The following DRC11 variants were observed in gnomAD, a reference collection of about 807,000 sequenced individuals.
DRC11 encodes IQ and AAA domain-containing protein 1.
At chr2:236,359,441 C>T in the DRC11 span, among the ~76,000 whole-genome samples, 1 of 152,118 alleles carries the variant, frequency 6.6e-6, no homozygotes, top group Non-Finnish European at 1.5e-5. The surrounding 1 kb of genome is among the most constrained non-coding windows in gnomAD (Gnocchi z 4.3). Context: ...GTGAGTGAGG[C>T]GAATGCCACC....
the DRC11 span, among the ~76,000 whole-genome samples, chr2:236,439,928 T>C: frequency 1.3e-5 from 2 of 152,202 alleles, no homozygotes; most frequent in East Asian, 1.9e-4. Flanking sequence ...TAAATAAATA[T>C]TGAGCACTTA....
the DRC11 span, among the ~76,000 whole-genome samples, chr2:236,438,149 CT>C: frequency 1.4e-5 from 2 of 139,700 alleles, no homozygotes; most frequent in African/African-American, 5.5e-5. Context: ...CCAGTTTCAG[CT>C]TTCTACATAT....
the DRC11 span, chr2:236,497,393 C>T: frequency 6.2e-7 from 1 of 1,613,842 alleles, no homozygotes; most frequent in African/African-American, 1.3e-5. This position sits in a 1 kb window ranked among gnomAD's most constrained non-coding sequence, Gnocchi z 5.1. Context: ...AAGATGAAAA[C>T]CTGATTTCTT....
chr2:236,465,545 T>C, the DRC11 span: 4 of 1,613,990 alleles, frequency 2.5e-6, no homozygotes, highest in South Asian at 3.3e-5. This position sits in a 1 kb window ranked among gnomAD's most constrained non-coding sequence, Gnocchi z 6.2. Flanking sequence ...TCTTGAAGGT[T>C]CTCCTTGATA....
chr2:236,441,194 C>T, the DRC11 span: 3 of 1,046,354 alleles, frequency 2.9e-6, no homozygotes, highest in African/African-American at 3.2e-5. Flanking sequence ...CATTTATTTG[C>T]TTATGTTCAT....
At chr2:236,456,181 G>A in the DRC11 span, among the ~76,000 whole-genome samples, 1 of 152,156 alleles carries the variant, frequency 6.6e-6, no homozygotes, top group African/African-American at 2.4e-5. This position sits in a 1 kb window ranked among gnomAD's most constrained non-coding sequence, Gnocchi z 5.4. Context: ...TGATTACTGA[G>A]GGTGTATCTT....
the DRC11 span, among the ~76,000 whole-genome samples, chr2:236,348,136 T>C: frequency 6.6e-6 from 1 of 152,224 alleles, no homozygotes; most frequent in Non-Finnish European, 1.5e-5. The surrounding 1 kb of genome is among the most constrained non-coding windows in gnomAD (Gnocchi z 7.4). Context: ...AGCAAAGTAT[T>C]AAGTGATTCT....
chr2:236,406,493 A>C, the DRC11 span, among the ~76,000 whole-genome samples: 1 of 152,168 alleles, frequency 6.6e-6, no homozygotes, highest in Non-Finnish European at 1.5e-5. The surrounding 1 kb of genome is among the most constrained non-coding windows in gnomAD (Gnocchi z 4.7). Flanking sequence ...ATCTGTTCTC[A>C]GCGGCTTTCA....
chr2:236,341,728 CAT>C, the DRC11 span, among the ~76,000 whole-genome samples: 11 of 152,208 alleles, frequency 7.2e-5, no homozygotes, highest in Non-Finnish European at 8.8e-5. Context: ...GTTTCCCCCC[CAT>C]GTCTTCCAGC....
At chr2:236,407,591 C>T in the DRC11 span, among the ~76,000 whole-genome samples, 1 of 152,168 alleles carries the variant, frequency 6.6e-6, no homozygotes, top group East Asian at 1.9e-4. Context: ...TATATACACA[C>T]ACACACGGGC....
chr2:236,505,682 C>A, the DRC11 span, among the ~76,000 whole-genome samples: 52 of 152,290 alleles, frequency 3.4e-4, no homozygotes, highest in African/African-American at 1.3e-3. Flanking sequence ...AGCACCCACC[C>A]ACTGAATAGC....
At chr2:236,345,187 G>C in the DRC11 span, among the ~76,000 whole-genome samples, 1 of 151,624 alleles carries the variant, frequency 6.6e-6, no homozygotes, top group East Asian at 1.9e-4. Flanking sequence ...CTGTAAACGC[G>C]CTTCCCTCTC....
At chr2:236,324,709 C>T in the DRC11 span, 4 of 1,594,694 alleles carry the variant, frequency 2.5e-6, no homozygotes, top group Non-Finnish European at 3.4e-6. The surrounding 1 kb of genome is among the most constrained non-coding windows in gnomAD (Gnocchi z 5.7). Context: ...TCCCTTTGTC[C>T]TTTGCCTTTT....
At chr2:236,436,412 T>A in the DRC11 span, among the ~76,000 whole-genome samples, 1 of 152,176 alleles carries the variant, frequency 6.6e-6, no homozygotes, top group African/African-American at 2.4e-5. Context: ...TATGGTGACA[T>A]GTTTATGAAA....
chr2:236,387,108 G>C, the DRC11 span, among the ~76,000 whole-genome samples: 1 of 152,014 alleles, frequency 6.6e-6, no homozygotes, highest in Non-Finnish European at 1.5e-5. Flanking sequence ...TGGAATAGGT[G>C]TGGTGTGGTG....
the DRC11 span, among the ~76,000 whole-genome samples, chr2:236,492,796 A>C: frequency 2.0e-5 from 3 of 152,262 alleles, no homozygotes; most frequent in Non-Finnish European, 4.4e-5. Flanking sequence ...GCAAGAATCC[A>C]GGAGGTGGTC....
chr2:236,388,175 G>T, the DRC11 span, among the ~76,000 whole-genome samples: 21 of 151,874 alleles, frequency 1.4e-4, no homozygotes, highest in African/African-American at 5.1e-4. Context: ...TCTTTGTGGC[G>T]TTCTCTGTAT....
chr2:236,313,204 A>G, the DRC11 span, among the ~76,000 whole-genome samples: 1 of 152,214 alleles, frequency 6.6e-6, no homozygotes, highest in Non-Finnish European at 1.5e-5. The surrounding 1 kb of genome is among the most constrained non-coding windows in gnomAD (Gnocchi z 4.5). Flanking sequence ...AGATATTACA[A>G]GAGAAGAAAG....
At chr2:236,395,009 C>T in the DRC11 span, among the ~76,000 whole-genome samples, 1 of 152,146 alleles carries the variant, frequency 6.6e-6, no homozygotes, top group Admixed American at 6.5e-5. Context: ...TGTGGGCTTA[C>T]AAACAGACAG....
Sources: gnomAD v4.1 joint callset for allele counts (sites outside exome capture counted in the v4.1 genomes callset) on GRCh38, gnomAD v4.1.1 for gene constraint, Gnocchi (gnomAD v3.1) non-coding constraint, MANE v1.5 for transcripts, NCBI Gene and HGNC (gene_info 2026-07-23, HGNC 2026-07-21) for gene names.